Variants in FBN1 observed in about 807,000 individuals in gnomAD.
The protein encoded by FBN1 is fibrillin 1, also known as fibrillin-1.
A neutral mutation model predicts 365.1 loss-of-function variants in FBN1; 29 were observed. The ratio of observed to expected loss-of-function variants is 0.08; its 90% CI spans 0.06 to 0.11. The LOEUF is 0.11. Ranked by LOEUF, FBN1 falls within the 10% of genes least tolerant of loss-of-function variation. The pLI is 1.00. For missense variants in FBN1, 2,476 were observed against 3,703.2 expected (o/e 0.67, Z 8.60); for synonymous variants, 1,210 against 1,270.5 (o/e 0.95, Z 1.01).
intron 45 of FBN1, among the ~76,000 whole-genome samples, chr15:48,449,642 A>C (rs1412554441): frequency 6.6e-6 from 1 of 152,226 alleles, no homozygotes. Context: ...ATATGACATA[A>C]TTATATGCCA....
intron 1 of FBN1, 24 bp from the exon 2 acceptor site, chr15:48,644,974 G>A (rs1475100514): frequency 5.2e-6 from 2 of 383,844 alleles, no homozygotes; most frequent in Non-Finnish European, 8.8e-6. Flanking sequence ...ACAAATCCCC[G>A]AGGCGGGGAG....
At chr15:48,584,334 C>T (rs1306279756) in intron 6 of FBN1, among the ~76,000 whole-genome samples, 3 of 152,094 alleles carry the variant, frequency 2.0e-5, no homozygotes, top group East Asian at 3.8e-4. Flanking sequence ...AGCGTGAGTT[C>T]GTGATCAGTT....
chr15:48,519,417 A>T (rs2043832481), intron 10 of FBN1, among the ~76,000 whole-genome samples: 1 of 152,232 alleles, frequency 6.6e-6, no homozygotes, highest in South Asian at 2.1e-4. Context: ...AAGCATGAGA[A>T]ATATGAGACT....
chr15:48,488,035 C>G (rs2043523680), intron 27 of FBN1, 78 bp downstream of exon 27: 1 of 1,594,200 alleles, frequency 6.3e-7, no homozygotes. Flanking sequence ...CAGGAAGAAC[C>G]TGGAACATAG....
chr15:48,516,270 G>A lies in FBN1; in HGVS notation c.1240C>T (p.Pro414Ser). Residue 414 changes from proline to serine, a missense_variant, in exon 11 of 66, where the codon CCT becomes TCT. Coordinates refer to ENST00000316623, the MANE Select transcript of FBN1 (RefSeq NM_000138.5). ...PPLGPIPPVL[P>S]VPPGFPPGPQ... ...CCAGGAGGAAAGCCAGGAGGAACAG[G>A]GAGAACTGGAGGAATGGGGCCAAGG... 6.2e-7 allele frequency: 1 copy of A among 1,613,934 alleles called. No individual in the cohort carries two copies. The highest frequency in any genetic ancestry group is 8.5e-7 in the Non-Finnish European group (1 of 1,179,912).
rs2043515652 is a variant in FBN1 at position 48,487,214 on chromosome 15, A to G, written c.3464-14T>C. 1 of 1,613,900 alleles carries G rather than the reference A, an allele frequency of 6.2e-7. No individual in the cohort carries two copies. Among genetic ancestry groups the G allele is most frequent in the Non-Finnish European group, 8.5e-7 (1 of 1,179,870 alleles). On this transcript the variant is annotated splice_polypyrimidine_tract_variant and intron_variant, in intron 28 of 65. Coordinates refer to ENST00000316623, the MANE Select transcript of FBN1 (RefSeq NM_000138.5). ...ATTCATTGATGTCTGTCGGGAAAAT[A>G]AGAAGAACAAACACCCAAACATAAG... is the stretch of plus-strand genomic sequence containing the variant.
intron 53 of FBN1, among the ~76,000 whole-genome samples, chr15:48,436,074 A>G (rs1229724222): frequency 6.6e-6 from 1 of 152,142 alleles, no homozygotes; most frequent in Non-Finnish European, 1.5e-5. Flanking sequence ...ATTAGCACTA[A>G]CTGAAGATTC....
chr15:48,553,007 C>T (rs1309045190), intron 6 of FBN1, among the ~76,000 whole-genome samples: 1 of 152,126 alleles, frequency 6.6e-6, no homozygotes, highest in African/African-American at 2.4e-5. Flanking sequence ...CTCCGTTAAT[C>T]CACTGTTCTC....
At chr15:48,613,186 A>C in intron 2 of FBN1, 94 bp from the exon 3 acceptor site, 1 of 924,736 alleles carries the variant, frequency 1.1e-6, no homozygotes, top group Non-Finnish European at 1.8e-6. Context: ...GAGTTATAAA[A>C]GCAAGATGAA....
rs794728261 is a variant in FBN1, at chr15:48,428,384, T to C, written c.6959A>G (p.Asp2320Gly). 1.9e-6 allele frequency: 3 copies of C among 1,614,100 alleles called. No homozygotes were observed. The highest frequency in any genetic ancestry group is 2.5e-6 in the Non-Finnish European group (3 of 1,179,980). ...CTGGTTGGGGCTGGCGGTAAACCCA[T>C]CATTACACTCACAGGTGTAGCTCCC... ...TRGSYTCECNDGFTASPNQDE... is the reference protein window; with the variant it reads ...TRGSYTCECNGGFTASPNQDE... Residue 2320 changes from aspartate to glycine, a missense_variant, in exon 57 of 66, where the codon GAT becomes GGT. Physicochemically the swap from Asp to Gly is moderately conservative, Grantham distance 94. Coordinates refer to ENST00000316623, the MANE Select transcript of FBN1 (RefSeq NM_000138.5).
At chr15:48,498,052 C>A (rs183122348) in intron 18 of FBN1, among the ~76,000 whole-genome samples, 1 of 150,240 alleles carries the variant, frequency 6.7e-6, no homozygotes, top group African/African-American at 2.5e-5. Flanking sequence ...GAGGTGGGGC[C>A]CTCCCTCTTC....
intron 6 of FBN1, among the ~76,000 whole-genome samples, chr15:48,564,734 T>G (rs2044247497): frequency 6.6e-6 from 1 of 152,122 alleles, no homozygotes. Context: ...AAACTTGGCT[T>G]GGAAGGAATT....
chr15:48,554,176 A>G lies in FBN1; in HGVS notation c.539-16368T>C, dbSNP rs113387064. The stretch of plus-strand genomic sequence containing the variant: ...AGGGTAAATCAAAACACAGAGCGGC[A>G]AAGTTATTTTCTCAATGTCACAGAA... On this transcript the variant is annotated intron_variant, in intron 6 of 65. Coordinates refer to ENST00000316623, the MANE Select transcript of FBN1 (RefSeq NM_000138.5). Among the ~76,000 whole-genome samples, 1,009 of 152,330 alleles carry G rather than the reference A, an allele frequency of 6.6e-3. 10 individuals are homozygous for G. Among genetic ancestry groups the G allele is most frequent in the African/African-American group, 0.024 (981 of 41,574 alleles).
In FBN1 at chr15:48,516,299, G is replaced by T. The variant is rs779930519; in HGVS notation, c.1211C>A (p.Pro404Gln). The T allele has an allele frequency of 8.7e-6, 14 of 1,613,806 alleles. No individual in the cohort carries two copies. Among genetic ancestry groups the T allele is most frequent in the Admixed American group, 5.0e-5 (3 of 60,004 alleles). ...VIPGRPEYPPPPLGPIPPVLP... is the reference protein window; with the variant it reads ...VIPGRPEYPPQPLGPIPPVLP... ...AACTGGAGGAATGGGGCCAAGGGGT[G>T]GGGGAGGATATTCTGGTCTCCCAGG... Residue 404 changes from proline to glutamine, a missense_variant, in exon 11 of 66, where the codon CCA becomes CAA. Coordinates refer to ENST00000316623, the MANE Select transcript of FBN1 (RefSeq NM_000138.5).
intron 1 of FBN1, among the ~76,000 whole-genome samples, 154 bp downstream of exon 1, chr15:48,645,421 G>A (rs1393844178): frequency 2.0e-5 from 3 of 152,250 alleles, no homozygotes; most frequent in Non-Finnish European, 4.4e-5. Context: ...TGTCAGGCAG[G>A]GGAGGGCCAG....
intron 53 of FBN1, 90 bp from the exon 54 acceptor site, chr15:48,434,803 T>A: frequency 6.6e-7 from 1 of 1,508,210 alleles, no homozygotes; most frequent in South Asian, 1.2e-5. Flanking sequence ...AATTTTGTTG[T>A]TGTTGTTGTT....
chr15:48,629,854 C>T (rs949612621), intron 2 of FBN1, among the ~76,000 whole-genome samples: 1 of 152,102 alleles, frequency 6.6e-6, no homozygotes, highest in East Asian at 1.9e-4. Flanking sequence ...TGCCATCATG[C>T]CACACTTTTG....
intron 4 of FBN1, among the ~76,000 whole-genome samples, chr15:48,608,138 C>T (rs1467830650): frequency 6.6e-6 from 1 of 152,210 alleles, no homozygotes; most frequent in Non-Finnish European, 1.5e-5. Flanking sequence ...ACTAAGAGAT[C>T]ATTTTCTATT....
At chr15:48,603,619 C>G (rs1257784138) in intron 4 of FBN1, among the ~76,000 whole-genome samples, 1 of 152,132 alleles carries the variant, frequency 6.6e-6, no homozygotes, top group Non-Finnish European at 1.5e-5. Context: ...AATTAGGAGA[C>G]CAAGTTCTAC....
Sources: gnomAD v4.1 joint callset for allele counts (sites outside exome capture counted in the v4.1 genomes callset) on GRCh38, gnomAD v4.1.1 for gene constraint, MANE v1.5 for transcripts, NCBI Gene and HGNC (gene_info 2026-07-23, HGNC 2026-07-21) for gene names.